Variants in BCL2 observed in about 807,000 individuals in gnomAD.
The protein encoded by BCL2 is BCL2 apoptosis regulator, also known as apoptosis regulator Bcl-2.
A neutral mutation model predicts 14.2 loss-of-function variants in BCL2; 1 was observed. The ratio of observed to expected loss-of-function variants is 0.07; its 90% CI spans 0.02 to 0.33. BCL2 has a LOEUF of 0.33. Among genes scored for constraint, BCL2 ranks in the 10% least tolerant of loss-of-function variants. The probability of loss-of-function intolerance (pLI) is 0.99; values close to 1 mark genes in which losing one functional copy is unlikely to be tolerated. For missense variants in BCL2, 247 were observed against 305.9 expected, an observed-to-expected ratio of 0.81 and a Z score of 1.44; for synonymous variants, 151 against 137.2, an observed-to-expected ratio of 1.10 and a Z score of -0.70.
chr18:63,185,101 C>G (rs920924000), intron 2 of BCL2, among the ~76,000 whole-genome samples: 2 of 152,208 alleles, frequency 1.3e-5, no homozygotes, highest in African/African-American at 4.8e-5. Context: ...ATGAGAGATG[C>G]TTGCTCTCAC....
In BCL2 at chr18:63,124,549, C is replaced by T; in HGVS notation, c.*4076G>A. On this transcript the variant is annotated 3_prime_UTR_variant, in exon 3 of 3. Transcript: ENST00000333681. ...TTAGTTCTGGTTATTCTGAAAACTT[C>T]CAACTCCCTGATCCAAACTTGGGAA... The T allele has an allele frequency of 4.3e-6, 1 of 232,098 alleles. No individual in the cohort carries two copies. The highest frequency in any genetic ancestry group is 8.5e-6 in the Non-Finnish European group (1 of 117,202). 14.4% of individuals were successfully genotyped at this position (232,098 alleles called of 1,614,324 possible).
chr18:63,201,915 C>T (rs1477695626), intron 2 of BCL2, among the ~76,000 whole-genome samples: 10 of 151,906 alleles, frequency 6.6e-5, no homozygotes, highest in Non-Finnish European at 1.2e-4. Flanking sequence ...CACCATGGCA[C>T]GTGTATACCT....
At chr18:63,284,531 T>A (rs1290317580) in intron 2 of BCL2, among the ~76,000 whole-genome samples, 2 of 152,202 alleles carry the variant, frequency 1.3e-5, no homozygotes, top group Non-Finnish European at 2.9e-5. Context: ...AGGCAGACTT[T>A]GCCTGGCATG....
intron 2 of BCL2, among the ~76,000 whole-genome samples, chr18:63,305,701 G>C (rs1320738165): frequency 1.3e-5 from 2 of 151,944 alleles, no homozygotes; most frequent in Non-Finnish European, 2.9e-5. Flanking sequence ...AGTTAATAAA[G>C]ATTTATCACA....
chr18:63,163,408 G>A (rs1429266742), intron 2 of BCL2, among the ~76,000 whole-genome samples: 2 of 152,064 alleles, frequency 1.3e-5, no homozygotes, highest in Non-Finnish European at 2.9e-5. Context: ...AGTTCTTTTG[G>A]GAGGGGTATC....
Position 63,125,076 on chromosome 18 carries a change from A to G in BCL2, c.*3549T>C. 1 of 221,624 alleles carries G rather than the reference A, an allele frequency of 4.5e-6. No individual in the cohort carries two copies. The allele number at this position is 221,624 out of a possible 1,614,324, so 13.7% of individuals were successfully genotyped here. Reference sequence around the variant, plus strand: ...CTAGACATGTGTTGGGATTGCCCTGATTATTTACATTTAATCTTGATTATT... The same window carrying G: ...CTAGACATGTGTTGGGATTGCCCTGGTTATTTACATTTAATCTTGATTATT... On this transcript the variant is annotated 3_prime_UTR_variant, in exon 3 of 3. Coordinates refer to ENST00000333681, the MANE Select transcript of BCL2 (RefSeq NM_000633.3).
At chr18:63,165,635 G>A (rs1404087202) in intron 2 of BCL2, among the ~76,000 whole-genome samples, 1 of 152,218 alleles carries the variant, frequency 6.6e-6, no homozygotes, top group Non-Finnish European at 1.5e-5. Flanking sequence ...TGGAGAAACT[G>A]ACTCCTTGGG....
At chr18:63,143,535 C>T (rs919949016) in intron 2 of BCL2, among the ~76,000 whole-genome samples, 1 of 152,242 alleles carries the variant, frequency 6.6e-6, no homozygotes, top group Non-Finnish European at 1.5e-5. Context: ...TGTCACTTCC[C>T]GTCAAACGCT....
intron 2 of BCL2, among the ~76,000 whole-genome samples, chr18:63,264,918 G>T (rs560307005): frequency 7.0e-4 from 106 of 152,402 alleles, no homozygotes; most frequent in African/African-American, 2.5e-3. Flanking sequence ...GGCCTCTGTG[G>T]CAAGGGGCTG....
chr18:63,128,804 G>C (rs199540938), intron 2 of BCL2, 45 bp from the exon 3 acceptor site: 10 of 741,904 alleles, frequency 1.3e-5, no homozygotes, highest in African/African-American at 1.0e-4. Context: ...GAGTATTAGA[G>C]AGAGAGCAGA....
At chr18:63,234,039 C>A (rs1265338907) in intron 2 of BCL2, among the ~76,000 whole-genome samples, 2 of 152,060 alleles carry the variant, frequency 1.3e-5, no homozygotes, top group Non-Finnish European at 2.9e-5. Context: ...TATACATGAT[C>A]TTTTTCTGCA....
chr18:63,197,651 G>A (rs1012626371), intron 2 of BCL2, among the ~76,000 whole-genome samples: 4 of 152,110 alleles, frequency 2.6e-5, no homozygotes, highest in South Asian at 2.1e-4. Flanking sequence ...GAGAGGAAAG[G>A]AGGGAGGGAA....
At chr18:63,260,100 GC>G (rs1303351252) in intron 2 of BCL2, among the ~76,000 whole-genome samples, 2 of 151,490 alleles carry the variant, frequency 1.3e-5, no homozygotes, top group Non-Finnish European at 2.9e-5. Flanking sequence ...CTTTTCATCT[GC>G]TTTTTTTTTT....
intron 2 of BCL2, among the ~76,000 whole-genome samples, chr18:63,135,703 C>T (rs1914190530): frequency 6.6e-6 from 1 of 152,168 alleles, no homozygotes; most frequent in African/African-American, 2.4e-5. Flanking sequence ...CGTCAATTGT[C>T]CCTGCTCTCA....
At chr18:63,222,161 C>T (rs1481016650) in intron 2 of BCL2, among the ~76,000 whole-genome samples, 4 of 151,342 alleles carry the variant, frequency 2.6e-5, no homozygotes, top group Admixed American at 2.6e-4. Context: ...GTAGTCTCAG[C>T]TACTAGGGAG....
chr18:63,208,660 G>A (rs1909912590), intron 2 of BCL2, among the ~76,000 whole-genome samples: 1 of 152,214 alleles, frequency 6.6e-6, no homozygotes, highest in Admixed American at 6.5e-5. Flanking sequence ...TGGAAATAAA[G>A]GGGAAGGAGA....
At chr18:63,287,751 TA>T (rs1184449929) in intron 2 of BCL2, among the ~76,000 whole-genome samples, 3 of 152,074 alleles carry the variant, frequency 2.0e-5, no homozygotes, top group Admixed American at 1.3e-4. Context: ...AGCAGCAGGA[TA>T]AAAAAATAAT....
intron 2 of BCL2, among the ~76,000 whole-genome samples, chr18:63,312,707 C>A (rs576006021): frequency 6.6e-6 from 1 of 152,220 alleles, no homozygotes; most frequent in South Asian, 2.1e-4. Context: ...GAAGAGCCCC[C>A]GCTCTGGTTC....
chr18:63,277,316 C>A (rs749600217), intron 2 of BCL2, among the ~76,000 whole-genome samples: 2 of 152,150 alleles, frequency 1.3e-5, no homozygotes, highest in Non-Finnish European at 2.9e-5. Context: ...TCCCCAGCAC[C>A]AAGAACAGTG....
Sources: allele counts gnomAD v4.1 joint callset (sites outside exome capture counted in the v4.1 genomes callset), GRCh38; gene constraint gnomAD v4.1.1; transcripts MANE v1.5; gene names NCBI Gene and HGNC (gene_info 2026-07-23, HGNC 2026-07-21).